Variants in CNOT6L observed in about 807,000 individuals in gnomAD.
CNOT6L encodes the protein CCR4-NOT transcription complex subunit 6 like.
Under a neutral mutation model 64.0 loss-of-function variants are expected in CNOT6L, and 7 were observed. The observed-to-expected ratio is 0.11, with a 90% CI of 0.06 to 0.21. The LOEUF is 0.21. CNOT6L is among the 10% of genes least tolerant of loss of function. The pLI is 1.00. For synonymous variants in CNOT6L, 193 were observed against 243.4 expected (o/e 0.79, Z 1.93); for missense variants, 245 against 669.0 (o/e 0.37, Z 6.99).
At chr4:77,812,170 T>G (rs1237874007) in intron 1 of CNOT6L, among the ~76,000 whole-genome samples, 2 of 151,906 alleles carry the variant, frequency 1.3e-5, no homozygotes, top group Non-Finnish European at 2.9e-5. Flanking sequence ...ACTGGCCGGG[T>G]GCAGTGACTC....
chr4:77,778,527 T>C (rs1389696654), intron 1 of CNOT6L, among the ~76,000 whole-genome samples: 2 of 152,002 alleles, frequency 1.3e-5, no homozygotes, highest in African/African-American at 4.8e-5. Flanking sequence ...TGCCTCAGCC[T>C]CCTGAGTAGC....
chr4:77,814,741 G>A (rs11097938), intron 1 of CNOT6L, among the ~76,000 whole-genome samples: 35,982 of 151,956 alleles, frequency 0.24, 5,203 homozygotes, highest in East Asian at 0.47. Context: ...ACTCCCCAGA[G>A]ATCCCTAACC....
chr4:77,762,688 A>G (rs1160641851), intron 4 of CNOT6L, among the ~76,000 whole-genome samples: 2 of 152,154 alleles, frequency 1.3e-5, no homozygotes, highest in African/African-American at 4.8e-5. Flanking sequence ...ACATGAATGA[A>G]CCTCAAACAC....
chr4:77,758,249 G>A (rs370846311), intron 4 of CNOT6L, among the ~76,000 whole-genome samples: 14 of 152,072 alleles, frequency 9.2e-5, no homozygotes, highest in African/African-American at 3.4e-4. Flanking sequence ...TAAATATTTG[G>A]ATATTTTACT....
intron 10 of CNOT6L, among the ~76,000 whole-genome samples, chr4:77,728,171 G>T (rs1722078292): frequency 6.6e-6 from 1 of 152,168 alleles, no homozygotes; most frequent in African/African-American, 2.4e-5. Flanking sequence ...GGATAATTTT[G>T]ATCATTCTTC....
chr4:77,736,470 C>G (rs1463388483), intron 8 of CNOT6L, among the ~76,000 whole-genome samples: 1 of 152,164 alleles, frequency 6.6e-6, no homozygotes, highest in Non-Finnish European at 1.5e-5. Flanking sequence ...TCTATCCCTA[C>G]TACCTTAACA....
intron 1 of CNOT6L, among the ~76,000 whole-genome samples, chr4:77,813,349 TAGA>T (rs2110186160): frequency 6.6e-6 from 1 of 152,200 alleles, no homozygotes; most frequent in African/African-American, 2.4e-5. Context: ...ATAGATTAGC[TAGA>T]TTAGAAACAA....
intron 11 of CNOT6L, among the ~76,000 whole-genome samples, chr4:77,725,749 C>T (rs2109868531): frequency 6.6e-6 from 1 of 151,938 alleles, no homozygotes; most frequent in South Asian, 2.1e-4. Flanking sequence ...TGAGAAAATA[C>T]TATATAAATT....
At chr4:77,804,951 C>T (rs896188064) in intron 1 of CNOT6L, among the ~76,000 whole-genome samples, 2 of 152,096 alleles carry the variant, frequency 1.3e-5, no homozygotes, top group African/African-American at 4.8e-5. Context: ...ACCACTTAGC[C>T]TTGAACAACA....
chr4:77,729,382 G>A (rs1722195682), intron 9 of CNOT6L, among the ~76,000 whole-genome samples: 1 of 152,136 alleles, frequency 6.6e-6, no homozygotes, highest in South Asian at 2.1e-4. Context: ...CAATAATGTA[G>A]TAAGGCAGGT....
intron 5 of CNOT6L, among the ~76,000 whole-genome samples, chr4:77,755,223 G>GTTTTT (rs869054667): frequency 1.3e-4 from 9 of 70,432 alleles, no homozygotes; most frequent in Non-Finnish European, 1.9e-4. Context: ...AGAGACAAGA[G>GTTTTT]TTTTTTTTTT....
At chr4:77,738,840 T>C (rs1723266474) in intron 8 of CNOT6L, among the ~76,000 whole-genome samples, 1 of 152,016 alleles carries the variant, frequency 6.6e-6, no homozygotes, top group Admixed American at 6.6e-5. Flanking sequence ...TGTATGAATG[T>C]ATTTTATAAA....
intron 1 of CNOT6L, among the ~76,000 whole-genome samples, chr4:77,807,589 A>G (rs1305639736): frequency 1.3e-5 from 2 of 152,228 alleles, no homozygotes; most frequent in Non-Finnish European, 2.9e-5. Context: ...ATGAGGTCAT[A>G]AAGTATAAGG....
chr4:77,714,801 G>A lies in CNOT6L; in HGVS notation c.*5630C>T, dbSNP rs1720571982. On this transcript the variant is annotated 3_prime_UTR_variant, in exon 12 of 12. Transcript: ENST00000504123. ...AGGGAATATATTTTTAGCAAGTTAA[G>A]CACAGAGAAAGGACAGTACAGTTTC... 1 of 152,552 alleles carries A rather than the reference G, an allele frequency of 6.6e-6. No homozygotes were observed. Among genetic ancestry groups the A allele is most frequent in the South Asian group, 2.1e-4 (1 of 4,826 alleles). 9.4% of individuals were successfully genotyped at this position (152,552 alleles called of 1,614,324 possible).
chr4:77,741,835 C>CT (rs760411493), intron 8 of CNOT6L, among the ~76,000 whole-genome samples: 14 of 152,064 alleles, frequency 9.2e-5, no homozygotes, highest in South Asian at 4.1e-4. Context: ...GTATCACTTT[C>CT]TTTTTTTACA....
chr4:77,797,954 C>T (rs1225024844), intron 1 of CNOT6L, among the ~76,000 whole-genome samples: 1 of 152,078 alleles, frequency 6.6e-6, no homozygotes, highest in Non-Finnish European at 1.5e-5. Context: ...ATCTTCAACA[C>T]CAAAACAAAA....
Position 77,720,461 on chromosome 4 carries a change from G to A in CNOT6L, c.1638C>T (p.Val546=), listed in dbSNP as rs1411618174. Residue 546 remains valine, a synonymous_variant, in exon 12 of 12, where the codon GTC becomes GTT. Transcript: ENST00000504123. Reference sequence around the variant, plus strand: ...TCCGATTAGGCAAGTGAACACCATTGACAAGAGGCAGGAGTGGAGGGTGGA... The same window carrying A: ...TCCGATTAGGCAAGTGAACACCATTAACAAGAGGCAGGAGTGGAGGGTGGA... ...LELHPPLLPL[V]NGVHLPNRR The A allele has an allele frequency of 1.9e-6, 3 of 1,613,362 alleles. No individual in the cohort carries two copies. The highest frequency in any genetic ancestry group is 2.5e-6 in the Non-Finnish European group (3 of 1,179,530).
chr4:77,780,488 G>A (rs1404832574), intron 1 of CNOT6L, among the ~76,000 whole-genome samples: 1 of 152,084 alleles, frequency 6.6e-6, no homozygotes, highest in Non-Finnish European at 1.5e-5. Context: ...TCAACAGTAC[G>A]AAAAACACTC....
At chr4:77,739,943 A>G (rs1247412560) in intron 8 of CNOT6L, among the ~76,000 whole-genome samples, 1 of 152,224 alleles carries the variant, frequency 6.6e-6, no homozygotes, top group Non-Finnish European at 1.5e-5. Context: ...GAGAGTAATA[A>G]TAAAAATCTT....
Sources: allele counts gnomAD v4.1 joint callset (sites outside exome capture counted in the v4.1 genomes callset), GRCh38; gene constraint gnomAD v4.1.1; transcripts MANE v1.5; gene names NCBI Gene and HGNC (gene_info 2026-07-23, HGNC 2026-07-21).